The following GFM2 variants were observed in gnomAD, a reference collection of about 807,000 sequenced individuals.
GFM2 encodes ribosome-releasing factor 2, mitochondrial.
GFM2 carries 72 observed loss-of-function variants against 95.4 expected under a neutral mutation model. That is an observed-to-expected ratio of 0.76 (90% CI 0.62 to 0.92). GFM2 has a LOEUF of 0.92. Among genes scored for constraint, GFM2 ranks in the 40% least tolerant of loss-of-function variants. The pLI is 0.00. For synonymous variants in GFM2, 276 were observed against 317.5 expected (o/e 0.87, Z 1.39); for missense variants, 825 against 924.1 (o/e 0.89, Z 1.39).
intron 5 of GFM2, among the ~76,000 whole-genome samples, chr5:74,752,436 A>C (rs951797722): frequency 1.3e-5 from 2 of 152,192 alleles, no homozygotes; most frequent in Non-Finnish European, 2.9e-5. Flanking sequence ...CACATAGTCT[A>C]AACACCAGAG....
In GFM2 at chr5:74,758,892, T is replaced by C. The variant is rs773824800; in HGVS notation, c.261A>G (p.Thr87=). The C allele has an allele frequency of 6.2e-7, 1 of 1,610,560 alleles. No individual in the cohort carries two copies. The highest frequency in any genetic ancestry group is 1.1e-5 in the South Asian group (1 of 91,014). ...AHIDAGKTTT[T]ERILYYSGYT... The stretch of plus-strand genomic sequence containing the variant: ...ATCCGGAATAGTACAATATTCTTTC[T>C]GTGGTGGTAGTTTTGCCTGCATCAA... Residue 87 remains threonine (T), a synonymous_variant, in exon 5 of 21, where the codon ACA becomes ACG. Transcript: ENST00000296805.
At chr5:74,750,860 A>T (rs1743665028) in intron 6 of GFM2, among the ~76,000 whole-genome samples, 193 bp from the exon 7 acceptor site, 1 of 152,144 alleles carries the variant, frequency 6.6e-6, no homozygotes, top group Non-Finnish European at 1.5e-5. Context: ...AGGTGGAAAA[A>T]ACCCAAATGT....
Position 74,722,504 on chromosome 5 carries a change from C to CTGTAACCTCAAGATTCATCA in GFM2, c.2066_2085dup (p.Val696Ter). On this transcript the variant is annotated stop_gained and frameshift_variant, in exon 20 of 21. Coordinates refer to ENST00000296805, the MANE Select transcript of GFM2 (RefSeq NM_032380.5). LOFTEE classifies it high-confidence loss of function. ...ACAGGGCTGAGATAATCTCTAGCTA[C>CTGTAACCTCAAGATTCATCA]TGTAACCTCAAGATTCATCAGAGGC... 1 of 1,613,988 alleles carries CTGTAACCTCAAGATTCATCA rather than the reference C, an allele frequency of 6.2e-7. No individual in the cohort carries two copies. Among genetic ancestry groups the CTGTAACCTCAAGATTCATCA allele is most frequent in the African/African-American group, 1.3e-5 (1 of 75,034 alleles).
chr5:74,745,549 G>C (rs895177582), intron 10 of GFM2, 129 bp downstream of exon 10: 2 of 623,756 alleles, frequency 3.2e-6, no homozygotes, highest in African/African-American at 3.7e-5. Flanking sequence ...TCAGGGACTT[G>C]AGCATCTGCA....
chr5:74,767,103 T>C lies in GFM2; in HGVS notation c.-190A>G, dbSNP rs1744677506. 3 of 476,558 alleles carry C rather than the reference T, an allele frequency of 6.3e-6. No individual in the cohort carries two copies. In the East Asian group the frequency reaches 9.8e-5, roughly 16 times the overall value. The allele number at this position is 476,558 out of a possible 1,614,324, so 29.5% of individuals were successfully genotyped here. ...AATAGGCTTTCTCCGCTCTACCGCC[T>C]CGGGCAGCCACACCTCCACACTTCC... On this transcript the variant is annotated 5_prime_UTR_variant, in exon 1 of 21. Transcript: ENST00000296805.
rs746720912 is a variant in GFM2, at chr5:74,751,359, G to A, written c.430+9C>T. The A allele has an allele frequency of 1.0e-4, 165 of 1,610,830 alleles. No individual in the cohort carries two copies. Among genetic ancestry groups the A allele is most frequent in the Non-Finnish European group, 1.4e-4 (160 of 1,178,446 alleles). On this transcript the variant is annotated intron_variant, in intron 6 of 20. Transcript: ENST00000296805. The stretch of plus-strand genomic sequence containing the variant: ...GCAGCATCTCTGTGTTACTGGAATC[G>A]TACCATACCTGGTGTATCAATTAGA...
chr5:74,744,062 A>G (rs562628982), intron 10 of GFM2, among the ~76,000 whole-genome samples: 3 of 152,230 alleles, frequency 2.0e-5, no homozygotes, highest in Non-Finnish European at 4.4e-5. Flanking sequence ...ATAAGTTCTG[A>G]GAAATGTGGT....
intron 5 of GFM2, among the ~76,000 whole-genome samples, chr5:74,756,447 T>C (rs1218880943): frequency 6.6e-6 from 1 of 152,188 alleles, no homozygotes; most frequent in Non-Finnish European, 1.5e-5. Context: ...TGATTGGCAT[T>C]TGGGCTGGTT....
chr5:74,751,338 C>A, intron 6 of GFM2, 30 bp downstream of exon 6: 2 of 1,577,280 alleles, frequency 1.3e-6, no homozygotes, highest in Non-Finnish European at 8.6e-7. Context: ...AATGACGCAG[C>A]ATCTCTGTGT....
intron 4 of GFM2, 148 bp downstream of exon 4, chr5:74,759,221 A>C (rs574309249): frequency 3.1e-6 from 2 of 642,114 alleles, no homozygotes; most frequent in South Asian, 4.3e-5. Flanking sequence ...ATTGAGAAAA[A>C]ATAGCTAAGA....
chr5:74,739,936 CTACT>C (rs1254073529), intron 12 of GFM2, 49 bp downstream of exon 12: 3 of 1,252,446 alleles, frequency 2.4e-6, no homozygotes, highest in Non-Finnish European at 3.2e-6. Context: ...AAGTATTTGC[CTACT>C]TGTTTCTTCA....
chr5:74,731,185 G>C (rs990615273), intron 16 of GFM2, among the ~76,000 whole-genome samples: 3 of 152,156 alleles, frequency 2.0e-5, no homozygotes, highest in Admixed American at 6.5e-5. Flanking sequence ...CTTGTAAATG[G>C]GGGGAATAAC....
chr5:74,736,460 G>A (rs1325729028), intron 15 of GFM2: 1 of 984,932 alleles, frequency 1.0e-6, no homozygotes, highest in Non-Finnish European at 1.2e-6. Flanking sequence ...ACATGATGAT[G>A]ACAAACTGAA....
At chr5:74,732,128 ATTTTTT>A (rs533165001) in intron 16 of GFM2, among the ~76,000 whole-genome samples, 18 of 85,430 alleles carry the variant, frequency 2.1e-4, no homozygotes, top group African/African-American at 8.6e-4. Flanking sequence ...CTAATTTTTA[ATTTTTT>A]TTTTTTTTTT....
chr5:74,764,586 G>GA (rs1177010281), intron 1 of GFM2, among the ~76,000 whole-genome samples: 2 of 152,038 alleles, frequency 1.3e-5, no homozygotes. Context: ...GTGGCCCAGG[G>GA]AAACCAAAAG....
chr5:74,735,494 G>A (rs1579983639), intron 15 of GFM2, among the ~76,000 whole-genome samples: 1 of 152,118 alleles, frequency 6.6e-6, no homozygotes. Context: ...AGGAAAGAGG[G>A]CTTCTAATGC....
At chr5:74,725,085 T>C (rs1489914243) in intron 19 of GFM2, 1 of 152,212 alleles carries the variant, frequency 6.6e-6, no homozygotes, top group East Asian at 1.9e-4. Flanking sequence ...CTTTATAATT[T>C]AATATAAGTA....
chr5:74,735,734 G>T (rs912744299), intron 15 of GFM2, among the ~76,000 whole-genome samples: 2 of 152,128 alleles, frequency 1.3e-5, no homozygotes, highest in Non-Finnish European at 2.9e-5. Flanking sequence ...TTTTACTGTG[G>T]GAGCATAAGG....
chr5:74,748,549 T>C (rs1743506603), intron 7 of GFM2, among the ~76,000 whole-genome samples: 1 of 152,164 alleles, frequency 6.6e-6, no homozygotes, highest in Non-Finnish European at 1.5e-5. Context: ...TCCGTTCTTT[T>C]TAATTATACA....
Sources: allele counts gnomAD v4.1 joint callset (sites outside exome capture counted in the v4.1 genomes callset), GRCh38; gene constraint gnomAD v4.1.1; transcripts MANE v1.5; gene names NCBI Gene and HGNC (gene_info 2026-07-23, HGNC 2026-07-21).